Variants in DLGAP1 observed in about 807,000 individuals in gnomAD.
The protein encoded by DLGAP1 is disks large-associated protein 1.
Under a neutral mutation model 90.8 loss-of-function variants are expected in DLGAP1, and 11 were observed. That is an observed-to-expected ratio of 0.12 (90% confidence interval 0.08 to 0.20). The LOEUF is 0.20. DLGAP1 is among the 10% of genes least tolerant of loss of function. The pLI, the probability that DLGAP1 is intolerant of heterozygous loss-of-function variation, is 1.00. For synonymous variants in DLGAP1, 558 were observed against 540.7 expected (o/e 1.03, Z -0.44); for missense variants, 1,050 against 1,333.8 (o/e 0.79, Z 3.31).
In DLGAP1 at chr18:3,865,084, T is replaced by C. The variant is rs2070306706; in HGVS notation, c.957+14028A>G. The stretch of plus-strand genomic sequence containing the variant: ...AAGTAAGGACAGACAAAATATAAAA[T>C]CACACTGACTTATCTCTGTAAGTCT... On this transcript the variant is annotated intron_variant, in intron 4 of 12. Coordinates refer to ENST00000315677, the MANE Select transcript of DLGAP1 (RefSeq NM_004746.4). 2.0e-5 allele frequency among the ~76,000 whole-genome samples: 3 copies of C among 152,078 alleles called. No individual in the cohort carries two copies. In the South Asian group the frequency reaches 6.2e-4, roughly 31 times the overall value.
At chr18:3,689,655 G>C (rs753021257) in intron 7 of DLGAP1, among the ~76,000 whole-genome samples, 14 of 152,100 alleles carry the variant, frequency 9.2e-5, no homozygotes, top group Non-Finnish European at 1.9e-4. Context: ...CATGTGTCTA[G>C]GTCTAGGACC....
chr18:4,423,490 T>G (rs963767248), intron 1 of DLGAP1, among the ~76,000 whole-genome samples: 1 of 152,230 alleles, frequency 6.6e-6, no homozygotes, highest in Admixed American at 6.5e-5. Flanking sequence ...TTGTTGTAGG[T>G]TGGAATTTTC....
At chr18:4,197,199 A>AAAAAAAAAAAAAAAAAAAAAAAAAAG (rs1555760529) in intron 1 of DLGAP1, among the ~76,000 whole-genome samples, 5 of 144,304 alleles carry the variant, frequency 3.5e-5, no homozygotes, top group East Asian at 2.2e-4. Context: ...AAAAAAAAAA[A>AAAAAAAAAAAAAAAAAAAAAAAAAAG]AAAAAAAAAG....
chr18:3,892,271 T>C (rs1019492425), intron 3 of DLGAP1, among the ~76,000 whole-genome samples: 4 of 152,088 alleles, frequency 2.6e-5, no homozygotes, highest in African/African-American at 7.2e-5. Flanking sequence ...ACTTTTTCAA[T>C]ATAATCTAAG....
chr18:4,338,671 C>T (rs1168322555), intron 1 of DLGAP1, among the ~76,000 whole-genome samples: 5 of 152,068 alleles, frequency 3.3e-5, no homozygotes, highest in Admixed American at 6.5e-5. Context: ...ATGATAAATA[C>T]GACAGACGGT....
rs1212273642 is a variant in DLGAP1, at chr18:3,561,422, C to G, written c.2057+6068G>C. Among the ~76,000 whole-genome samples, 8 of 104,542 alleles carry G rather than the reference C, an allele frequency of 7.7e-5. No individual in the cohort carries two copies. In the East Asian group the frequency reaches 2.1e-3, roughly 27 times the overall value. 68.6% of individuals were successfully genotyped at this position (104,542 alleles called of 152,430 possible). A position where few individuals can be genotyped will look rare whatever the true frequency, so the allele number is the denominator to read the frequency against. ...CTATACTCCTTCCTGGGCGACAGAG[C>G]AAGACTCCATCTCCAAAAAAAAAAA... On this transcript the variant is annotated intron_variant, in intron 9 of 12. Coordinates refer to ENST00000315677, the MANE Select transcript of DLGAP1 (RefSeq NM_004746.4).
At chr18:3,612,173 TA>T (rs1200116637) in intron 7 of DLGAP1, among the ~76,000 whole-genome samples, 1 of 152,182 alleles carries the variant, frequency 6.6e-6, no homozygotes, top group African/African-American at 2.4e-5. Context: ...CTGGGCAACA[TA>T]GCAAGATCCG....
At chr18:3,823,904 G>A (rs1306179066) in intron 4 of DLGAP1, among the ~76,000 whole-genome samples, 1 of 128,288 alleles carries the variant, frequency 7.8e-6, no homozygotes, top group African/African-American at 3.0e-5. Context: ...GAGCCAAGAT[G>A]GTACCATTAC....
At chr18:4,135,785 T>C (rs920190165) in intron 2 of DLGAP1, among the ~76,000 whole-genome samples, 3 of 133,460 alleles carry the variant, frequency 2.2e-5, no homozygotes, top group African/African-American at 9.4e-5. Flanking sequence ...TGAGAGAATC[T>C]GATTCTTTTT....
intron 7 of DLGAP1, among the ~76,000 whole-genome samples, chr18:3,655,297 A>G (rs758659771): frequency 1.3e-5 from 2 of 152,168 alleles, no homozygotes; most frequent in Non-Finnish European, 2.9e-5. Flanking sequence ...GAAACTCACA[A>G]AAGAAGAAAA....
intron 1 of DLGAP1, among the ~76,000 whole-genome samples, chr18:4,395,384 G>C (rs1256367963): frequency 6.6e-6 from 1 of 152,000 alleles, no homozygotes; most frequent in African/African-American, 2.4e-5. Context: ...AATCAAATAG[G>C]GGGTATAAAG....
intron 7 of DLGAP1, among the ~76,000 whole-genome samples, chr18:3,699,304 T>A (rs935829947): frequency 1.3e-5 from 2 of 152,168 alleles, no homozygotes; most frequent in Non-Finnish European, 2.9e-5. Context: ...GTCTTTGATG[T>A]TGGTGACTTT....
intron 2 of DLGAP1, among the ~76,000 whole-genome samples, chr18:4,033,621 A>G (rs529210668): frequency 2.6e-5 from 4 of 152,172 alleles, no homozygotes; most frequent in Non-Finnish European, 5.9e-5. Flanking sequence ...TGCATTTTCT[A>G]TATCTCTGCC....
intron 1 of DLGAP1, among the ~76,000 whole-genome samples, chr18:4,407,120 A>G (rs749153527): frequency 2.6e-5 from 4 of 152,202 alleles, no homozygotes; most frequent in Admixed American, 1.3e-4. Context: ...CCACAAAACA[A>G]TAACAGTTAA....
chr18:4,387,671 G>A (rs546234303), intron 1 of DLGAP1, among the ~76,000 whole-genome samples: 1 of 152,282 alleles, frequency 6.6e-6, no homozygotes, highest in South Asian at 2.1e-4. Context: ...AGGAAGTTAA[G>A]TAAAGAAAGG....
chr18:4,282,771 G>A (rs9958474), intron 1 of DLGAP1, among the ~76,000 whole-genome samples: 36,056 of 152,130 alleles, frequency 0.24, 4,442 homozygotes, highest in African/African-American at 0.29. Flanking sequence ...AGAAGAGCCT[G>A]CTTTACCAGT....
At chr18:3,742,949 T>TCTTCCTTCCTTCCTTC (rs143048862) in intron 5 of DLGAP1, among the ~76,000 whole-genome samples, 1,559 of 142,736 alleles carry the variant, frequency 0.011, 35 homozygotes, top group African/African-American at 0.026. Context: ...TATCAATTTA[T>TCTTCCTTCCTTCCTTC]CTTCCTTCCT....
chr18:4,006,045 G>A (rs1328024710), intron 2 of DLGAP1, among the ~76,000 whole-genome samples: 8 of 152,156 alleles, frequency 5.3e-5, no homozygotes, highest in Non-Finnish European at 1.2e-4. Flanking sequence ...GTGCCACTCA[G>A]TCCATTTCAC....
chr18:4,071,844 G>T (rs984638858), intron 2 of DLGAP1, among the ~76,000 whole-genome samples: 81 of 152,264 alleles, frequency 5.3e-4, no homozygotes, highest in Non-Finnish European at 1.3e-4. Flanking sequence ...ATTACAGAGA[G>T]AATTTCAACT....
Sources: allele counts gnomAD v4.1 joint callset (sites outside exome capture counted in the v4.1 genomes callset), GRCh38; gene constraint gnomAD v4.1.1; transcripts MANE v1.5; gene names NCBI Gene and HGNC (gene_info 2026-07-23, HGNC 2026-07-21).